The following PDXDC1 variants were observed in gnomAD, a reference collection of about 807,000 sequenced individuals.
PDXDC1 encodes pyridoxal dependent decarboxylase domain containing 1, also known as pyridoxal-dependent decarboxylase domain-containing protein 1.
Under a neutral mutation model 100.1 loss-of-function variants are expected in PDXDC1, and 42 were observed. That is an observed-to-expected ratio of 0.42 (90% CI 0.33 to 0.54). PDXDC1 has a LOEUF of 0.54. Ranked by LOEUF, PDXDC1 falls within the 20% of genes least tolerant of loss-of-function variation. The pLI, the probability that PDXDC1 is intolerant of heterozygous loss-of-function variation, is 0.10. For missense variants in PDXDC1, 636 were observed against 979.2 expected, an observed-to-expected ratio of 0.65 and a Z score of 4.68; for synonymous variants, 260 against 371.7, an observed-to-expected ratio of 0.70 and a Z score of 3.46.
chr16:15,141,958 G>C (rs2048482410), downstream of PDXDC1, among the ~76,000 whole-genome samples: 1 of 152,184 alleles, frequency 6.6e-6, no homozygotes, highest in African/African-American at 2.4e-5. Context: ...TGAGGCACCA[G>C]GACCTGAGGC....
intron 16 of PDXDC1, among the ~76,000 whole-genome samples, chr16:15,030,538 C>A (rs980130939): frequency 1.1e-5 from 1 of 87,200 alleles, no homozygotes; most frequent in East Asian, 3.9e-4. Context: ...AGAGGAGACT[C>A]CATCTCAAAA....
intron 16 of PDXDC1, among the ~76,000 whole-genome samples, chr16:15,071,695 G>A (rs534957971): frequency 2.6e-5 from 4 of 152,316 alleles, no homozygotes; most frequent in Admixed American, 6.5e-5. Flanking sequence ...TTGAACCCAG[G>A]AGGCAGAGGT....
At chr16:15,073,181 T>C in intron 16 of PDXDC1, 1 of 1,367,452 alleles carries the variant, frequency 7.3e-7, no homozygotes, top group South Asian at 1.2e-5. Flanking sequence ...AACAACATTA[T>C]CCAGCCAAGC....
At chr16:14,979,713 CCTG>C (rs1967518129) in intron 1 of PDXDC1, among the ~76,000 whole-genome samples, 1 of 152,300 alleles carries the variant, frequency 6.6e-6, no homozygotes, top group Non-Finnish European at 1.5e-5. Context: ...GTGTTTCTTT[CCTG>C]CTATTTGGGA....
intron 1 of PDXDC1, among the ~76,000 whole-genome samples, chr16:14,991,267 ATGTGTGTGTGTGTGTGTGTG>A (rs10642182): frequency 5.3e-5 from 8 of 149,872 alleles, no homozygotes; most frequent in East Asian, 2.0e-4. Flanking sequence ...GTATATAGAT[ATGTGTGTGTGTGTGTGTGTG>A]TGTGTGTGTG....
At chr16:15,149,227 T>C in the PDXDC1 span, among the ~76,000 whole-genome samples, 1 of 152,200 alleles carries the variant, frequency 6.6e-6, no homozygotes, top group East Asian at 1.9e-4. Flanking sequence ...CTTTGAAACC[T>C]GGCTTCAATG....
intron 16 of PDXDC1, among the ~76,000 whole-genome samples, chr16:15,101,046 T>A (rs760169781): frequency 8.5e-5 from 13 of 152,184 alleles, no homozygotes; most frequent in Non-Finnish European, 1.5e-4. Context: ...CTTTGGGCAA[T>A]TGCCTTATGT....
chr16:15,100,678 C>T (rs1215001982), intron 16 of PDXDC1, among the ~76,000 whole-genome samples: 4 of 152,280 alleles, frequency 2.6e-5, no homozygotes, highest in African/African-American at 9.6e-5. Context: ...CAATTAAGAA[C>T]CACTGGTATA....
rs1175454102 is a variant in PDXDC1 at position 15,017,338 on chromosome 16, T to C, written c.879T>C (p.Asp293=). The change falls in exon 11 of 23, where the codon GAT becomes GAC. Residue 293 remains aspartate, a synonymous_variant. Coordinates refer to ENST00000396410, the MANE Select transcript of PDXDC1 (RefSeq NM_015027.4). ...SSSVLAAAKC[D]SMTMTPGPWL... is the part of the protein sequence containing the mutation. ...TTTGGTAGGCTGCAGCCAAATGTGA[T>C]AGCATGACGATGACTCCTGGCCCGT... The C allele has an allele frequency of 2.5e-6, 4 of 1,612,016 alleles. No homozygotes were observed. Among genetic ancestry groups the C allele is most frequent in the East Asian group, 4.5e-5 (2 of 44,786 alleles).
intron 4 of PDXDC1, 63 bp from the exon 5 acceptor site, chr16:15,004,124 G>C (rs1036740451): frequency 6.9e-7 from 1 of 1,450,182 alleles, no homozygotes; most frequent in African/African-American, 1.4e-5. Context: ...GTGGAATTCT[G>C]TGTCTCTAAG....
In PDXDC1 at chr16:15,084,661, T is replaced by C. The variant is rs747347178; in HGVS notation, c.1400-54218T>C. 6 of 1,612,054 alleles carry C rather than the reference T, an allele frequency of 3.7e-6. No individual in the cohort carries two copies. The East Asian group carries it at 1.3e-4, about 36-fold the overall frequency. On this transcript the variant is annotated intron_variant, in intron 16 of 16. Coordinates refer to the PDXDC1 transcript ENST00000535621. ...ACTCACGATGGTACATATCTTGCTA[T>C]TATTTGCAAGGCTCTGTGACATGTG...
At chr16:15,126,072 T>C in intron 16 of PDXDC1, 1 of 519,572 alleles carries the variant, frequency 1.9e-6, no homozygotes, top group Non-Finnish European at 3.5e-6. Context: ...TCTCGCTCTG[T>C]CACCCAGGCT....
intron 16 of PDXDC1, chr16:15,135,933 C>G: frequency 6.3e-7 from 1 of 1,577,998 alleles, no homozygotes; most frequent in Non-Finnish European, 8.6e-7. Context: ...GGCCGGCTCA[C>G]GTCCACGCCG....
At chr16:15,074,960 A>G (rs2045388897) in intron 16 of PDXDC1, 1 of 1,239,174 alleles carries the variant, frequency 8.1e-7, no homozygotes, top group Non-Finnish European at 1.1e-6. Flanking sequence ...TAAAAGATAA[A>G]ACAAAGAGGC....
chr16:15,015,533 A>C (rs2041722980), intron 8 of PDXDC1, among the ~76,000 whole-genome samples: 1 of 152,102 alleles, frequency 6.6e-6, no homozygotes, highest in Admixed American at 6.6e-5. Context: ...TGGCCAACGT[A>C]GTGAAACCCC....
intron 12 of PDXDC1, among the ~76,000 whole-genome samples, chr16:15,019,952 A>G (rs1374419787): frequency 6.6e-6 from 1 of 152,236 alleles, no homozygotes; most frequent in Non-Finnish European, 1.5e-5. Flanking sequence ...CTCTACTAAA[A>G]ATACAAAAAA....
At chr16:15,150,322 C>T in the PDXDC1 span, among the ~76,000 whole-genome samples, 1 of 151,022 alleles carries the variant, frequency 6.6e-6, no homozygotes, top group Admixed American at 6.6e-5. Context: ...GCCTGGGCAA[C>T]AGAGTGAGAC....
intron 6 of PDXDC1, among the ~76,000 whole-genome samples, chr16:15,007,455 T>C (rs2040881235): frequency 1.3e-5 from 2 of 152,270 alleles, no homozygotes; most frequent in Admixed American, 6.5e-5. Flanking sequence ...ATTACAGGTG[T>C]GAGCCACTGC....
At chr16:15,122,294 T>G (rs2047461712) in intron 16 of PDXDC1, among the ~76,000 whole-genome samples, 1 of 149,196 alleles carries the variant, frequency 6.7e-6, no homozygotes, top group African/African-American at 2.5e-5. Flanking sequence ...CACTGCAACG[T>G]CCAGCTCCTG....
Sources: gnomAD v4.1 joint callset for allele counts (sites outside exome capture counted in the v4.1 genomes callset) on GRCh38, gnomAD v4.1.1 for gene constraint, MANE v1.5 for transcripts, NCBI Gene and HGNC (gene_info 2026-07-23, HGNC 2026-07-21) for gene names.